The following DOCK11 variants were observed in gnomAD, a reference collection of about 807,000 sequenced individuals.
DOCK11 encodes dedicator of cytokinesis 11.
A neutral mutation model predicts 169.1 loss-of-function variants in DOCK11; 70 were observed. The observed-to-expected ratio is 0.41, with a 90% confidence interval of 0.34 to 0.51. The LOEUF (loss-of-function observed/expected upper bound fraction) is 0.51. Among genes scored for constraint, DOCK11 ranks in the 20% least tolerant of loss-of-function variants. The pLI is 0.10. For synonymous variants in DOCK11, 529 were observed against 541.3 expected, an observed-to-expected ratio of 0.98 and a Z score of 0.32; for missense variants, 1,166 against 1,538.8, an observed-to-expected ratio of 0.76 and a Z score of 4.05.
chrX:118,537,734 A>G lies in DOCK11; in HGVS notation c.103-4991A>G, dbSNP rs150203760. ...GCGAATGTACAGGAACCACCACAAAATTGTAAAGTCTAAGTGGTGATGCTA... is the reference window on the plus strand; with the variant it reads ...GCGAATGTACAGGAACCACCACAAAGTTGTAAAGTCTAAGTGGTGATGCTA... On this transcript the variant is annotated intron_variant, in intron 1 of 52. Coordinates refer to ENST00000276202, the MANE Select transcript of DOCK11 (RefSeq NM_144658.4). 5.8e-3 allele frequency among the ~76,000 whole-genome samples: 653 copies of G among 112,039 alleles called. 7 individuals are homozygous for G. Among genetic ancestry groups the G allele is most frequent in the African/African-American group, 0.02 (609 of 30,867 alleles).
intron 24 of DOCK11, among the ~76,000 whole-genome samples, chrX:118,606,081 A>ATTTTTT (rs952643747): frequency 3.4e-4 from 24 of 71,059 alleles, no homozygotes; most frequent in Non-Finnish European, 4.3e-4. Context: ...GAGGAACAGA[A>ATTTTTT]TTTTTTTTTT....
chrX:118,514,112 T>C (rs2147314390), intron 1 of DOCK11, among the ~76,000 whole-genome samples: 1 of 110,628 alleles, frequency 9.0e-6, no homozygotes, highest in African/African-American at 3.3e-5. Context: ...GTCTCATGCA[T>C]ATCTGATGGT....
At chrX:118,500,789 G>T (rs1296005802) in intron 1 of DOCK11, among the ~76,000 whole-genome samples, 1 of 109,352 alleles carries the variant, frequency 9.1e-6, no homozygotes, top group East Asian at 2.9e-4. Flanking sequence ...CCCAGCTAAA[G>T]TTTTTTTTGT....
At chrX:118,618,753 G>T (rs1417448870) in intron 31 of DOCK11, 25 bp downstream of exon 31, 1 of 1,093,727 alleles carries the variant, frequency 9.1e-7, no homozygotes. Context: ...GCAGTCATCA[G>T]TATCACACTG....
chrX:118,502,693 G>A (rs1045695944), intron 1 of DOCK11, among the ~76,000 whole-genome samples: 3 of 111,686 alleles, frequency 2.7e-5, no homozygotes, highest in Non-Finnish European at 5.6e-5. Flanking sequence ...TGGGAATAAC[G>A]AAGGTAACAT....
chrX:118,550,689 T>C (rs1356879568), intron 6 of DOCK11, among the ~76,000 whole-genome samples: 1 of 111,025 alleles, frequency 9.0e-6, no homozygotes, highest in Non-Finnish European at 1.9e-5. Flanking sequence ...TACCTTTCAG[T>C]GCTCTGTTAC....
intron 6 of DOCK11, among the ~76,000 whole-genome samples, chrX:118,547,696 G>A (rs1011482102): frequency 8.9e-6 from 1 of 112,612 alleles, no homozygotes; most frequent in African/African-American, 3.2e-5. Context: ...GCAGGCTGAT[G>A]TCAGAGCCTA....
intron 16 of DOCK11, among the ~76,000 whole-genome samples, chrX:118,586,721 C>T (rs1171902006): frequency 5.4e-5 from 6 of 111,740 alleles, no homozygotes; most frequent in Non-Finnish European, 9.4e-5. Flanking sequence ...GCATCACATA[C>T]GTTGTAAAGA....
chrX:118,557,460 G>A (rs2012733446), intron 6 of DOCK11, among the ~76,000 whole-genome samples: 1 of 111,158 alleles, frequency 9.0e-6, no homozygotes, highest in Non-Finnish European at 1.9e-5. Flanking sequence ...AGCTGGAGCA[G>A]AAAGATTAGA....
intron 1 of DOCK11, among the ~76,000 whole-genome samples, chrX:118,518,345 T>C (rs1218621136): frequency 9.0e-6 from 1 of 111,388 alleles, no homozygotes; most frequent in East Asian, 2.8e-4. Flanking sequence ...TGTCCTTGAG[T>C]TCATTTCTTT....
intron 16 of DOCK11, 64 bp from the exon 17 acceptor site, chrX:118,588,073 A>G (rs781016947): frequency 2.2e-6 from 2 of 914,749 alleles, no homozygotes; most frequent in Admixed American, 3.6e-5. Flanking sequence ...TTTTTTATAC[A>G]TGCAGGAATG....
intron 7 of DOCK11, among the ~76,000 whole-genome samples, chrX:118,565,591 A>C (rs1238811353): frequency 3.6e-5 from 4 of 112,263 alleles, no homozygotes; most frequent in Non-Finnish European, 7.5e-5. Flanking sequence ...GTTTCAGGTC[A>C]TATTTAAATT....
chrX:118,605,934 A>C (rs1173101547), intron 24 of DOCK11, among the ~76,000 whole-genome samples: 2 of 111,545 alleles, frequency 1.8e-5, no homozygotes, highest in African/African-American at 6.5e-5. Context: ...TATTTGCTTT[A>C]TGTATTTAAG....
At chrX:118,616,848 T>C (rs2014829241) in intron 30 of DOCK11, among the ~76,000 whole-genome samples, 1 of 111,654 alleles carries the variant, frequency 9.0e-6, no homozygotes. Context: ...GTGGTTTTAG[T>C]GATGGAATTA....
intron 31 of DOCK11, among the ~76,000 whole-genome samples, chrX:118,619,150 T>C (rs1269239669): frequency 1.8e-5 from 2 of 109,312 alleles, no homozygotes; most frequent in Non-Finnish European, 3.8e-5. Flanking sequence ...TGAGCCACTG[T>C]ACCTGGCCTC....
chrX:118,571,646 AT>A (rs1334895650), intron 10 of DOCK11, among the ~76,000 whole-genome samples: 5 of 112,062 alleles, frequency 4.5e-5, no homozygotes, highest in African/African-American at 1.6e-4. Flanking sequence ...ATTCCTGTCA[AT>A]TTTGCATCCT....
At chrX:118,664,355 A>G (rs2016291424) in intron 45 of DOCK11, among the ~76,000 whole-genome samples, 1 of 111,757 alleles carries the variant, frequency 8.9e-6, no homozygotes, top group South Asian at 3.7e-4. Flanking sequence ...CCATCAAGCC[A>G]TTAGAAATGT....
At chrX:118,555,536 G>A (rs1230118955) in intron 6 of DOCK11, among the ~76,000 whole-genome samples, 1 of 105,740 alleles carries the variant, frequency 9.5e-6, no homozygotes, top group African/African-American at 3.4e-5. Context: ...CACCCTGGGC[G>A]ACAGAGTGAG....
At chrX:118,528,750 G>A (rs1295875967) in intron 1 of DOCK11, among the ~76,000 whole-genome samples, 1 of 94,760 alleles carries the variant, frequency 1.1e-5, no homozygotes, top group Non-Finnish European at 2.0e-5. Context: ...GGCCTTTGGA[G>A]CACTTTTATG....
Sources: gnomAD v4.1 joint callset for allele counts (sites outside exome capture counted in the v4.1 genomes callset) on GRCh38, gnomAD v4.1.1 for gene constraint, MANE v1.5 for transcripts, NCBI Gene and HGNC (gene_info 2026-07-23, HGNC 2026-07-21) for gene names.